ANKS1B: variants seen among roughly 807,000 people sequenced by gnomAD.
The protein encoded by ANKS1B is ankyrin repeat and sterile alpha motif domain-containing protein 1B.
A neutral mutation model predicts 148.3 loss-of-function variants in ANKS1B; 36 were observed. The ratio of observed to expected loss-of-function variants is 0.24; its 90% CI spans 0.19 to 0.32. The LOEUF is 0.32. Among genes scored for constraint, ANKS1B ranks in the 10% least tolerant of loss-of-function variants. The probability of loss-of-function intolerance (pLI) is 1.00; values close to 1 mark genes in which losing one functional copy is unlikely to be tolerated. For missense variants in ANKS1B, 1,157 were observed against 1,542.6 expected (o/e 0.75, Z 4.19); for synonymous variants, 542 against 560.8 (o/e 0.97, Z 0.47).
chr12:99,191,788 C>A (rs906776293), intron 14 of ANKS1B, among the ~76,000 whole-genome samples: 1 of 152,056 alleles, frequency 6.6e-6, no homozygotes, highest in Non-Finnish European at 1.5e-5. Context: ...CACGTGTATA[C>A]CTATGTAACA....
At chr12:99,613,765 T>G (rs2153352032) in intron 9 of ANKS1B, among the ~76,000 whole-genome samples, 1 of 152,066 alleles carries the variant, frequency 6.6e-6, no homozygotes, top group South Asian at 2.1e-4. Context: ...GGCTTAATAC[T>G]TTGGTGATGA....
intron 9 of ANKS1B, among the ~76,000 whole-genome samples, chr12:99,636,971 T>A (rs2098243468): frequency 6.6e-6 from 1 of 152,164 alleles, no homozygotes. Context: ...AAACAAAAGT[T>A]CCTTCTCACT....
At chr12:99,585,583 C>G (rs938981924) in intron 9 of ANKS1B, among the ~76,000 whole-genome samples, 2 of 152,184 alleles carry the variant, frequency 1.3e-5, no homozygotes, top group Non-Finnish European at 2.9e-5. Context: ...CCACATTTCC[C>G]CTCCACACTG....
chr12:99,548,650 T>C (rs17393678), intron 9 of ANKS1B, among the ~76,000 whole-genome samples: 19,100 of 152,044 alleles, frequency 0.13, 1,538 homozygotes, highest in Non-Finnish European at 0.17. Context: ...AGAAGAAATT[T>C]TGAAGCCAGA....
At chr12:99,526,353 G>T (rs1000995419) in intron 9 of ANKS1B, among the ~76,000 whole-genome samples, 1 of 152,012 alleles carries the variant, frequency 6.6e-6, no homozygotes, top group Non-Finnish European at 1.5e-5. Flanking sequence ...GGAACAGGTG[G>T]GATTGATAAA....
intron 11 of ANKS1B, among the ~76,000 whole-genome samples, chr12:99,421,752 T>C (rs1344603393): frequency 6.6e-6 from 1 of 152,118 alleles, no homozygotes; most frequent in Admixed American, 6.6e-5. Context: ...TGATATAGTT[T>C]GAATATATGT....
intron 8 of ANKS1B, among the ~76,000 whole-genome samples, chr12:99,696,668 T>G (rs1465527427): frequency 6.6e-6 from 1 of 152,096 alleles, no homozygotes; most frequent in Non-Finnish European, 1.5e-5. Context: ...GGTTTGGCAA[T>G]AACATTTTAG....
intron 1 of ANKS1B, among the ~76,000 whole-genome samples, chr12:99,951,293 CTT>C (rs2095215879): frequency 6.6e-6 from 1 of 152,208 alleles, no homozygotes; most frequent in African/African-American, 2.4e-5. Flanking sequence ...AGTCTAGAGA[CTT>C]ACATCCACCG....
rs559156654 is a variant in ANKS1B at position 99,708,051 on chromosome 12, T to C, written c.1129-52841A>G. 1.1e-4 allele frequency among the ~76,000 whole-genome samples: 16 copies of C among 152,242 alleles called. 1 individual carries two copies. The South Asian group carries it at 3.3e-3, about 32-fold the overall frequency. On this transcript the variant is annotated intron_variant, in intron 8 of 26. Transcript: ENST00000683438. ...TAACCTGGGGGTCTGAATCTGTCAGTGCCAAGTTTCTTCCAGCTGTCACAA... is the reference window on the plus strand; with the variant it reads ...TAACCTGGGGGTCTGAATCTGTCAGCGCCAAGTTTCTTCCAGCTGTCACAA...
chr12:99,606,351 A>C (rs1392683), intron 9 of ANKS1B, among the ~76,000 whole-genome samples: 7 of 151,560 alleles, frequency 4.6e-5, no homozygotes, highest in African/African-American at 1.7e-4. Flanking sequence ...CTTCCTCACA[A>C]AGAGTTGTTT....
At chr12:99,088,582 A>G (rs2052798596) in intron 15 of ANKS1B, among the ~76,000 whole-genome samples, 2 of 152,152 alleles carry the variant, frequency 1.3e-5, no homozygotes. Flanking sequence ...CAATCTTGGT[A>G]TGATGGACTT....
At chr12:99,471,615 G>T (rs1271926701) in intron 10 of ANKS1B, among the ~76,000 whole-genome samples, 1 of 151,690 alleles carries the variant, frequency 6.6e-6, no homozygotes, top group African/African-American at 2.4e-5. Flanking sequence ...GGTTTGTAAT[G>T]AGTAGACATA....
At chr12:98,848,145 A>C (rs1317852153) in intron 17 of ANKS1B, among the ~76,000 whole-genome samples, 1 of 152,234 alleles carries the variant, frequency 6.6e-6, no homozygotes, top group Admixed American at 6.5e-5. Flanking sequence ...TCTCTAATGA[A>C]AACCAAGCAA....
chr12:99,874,947 T>G (rs2091917985), intron 1 of ANKS1B, among the ~76,000 whole-genome samples: 1 of 152,160 alleles, frequency 6.6e-6, no homozygotes, highest in Admixed American at 6.5e-5. Flanking sequence ...TAGTAAGAAC[T>G]CAGCAAAGGT....
intron 17 of ANKS1B, among the ~76,000 whole-genome samples, chr12:98,884,499 T>C (rs527895711): frequency 1.1e-4 from 16 of 152,312 alleles, no homozygotes; most frequent in African/African-American, 3.8e-4. Context: ...CACGTGGCTT[T>C]AGAAACTATC....
chr12:99,967,776 G>A (rs1245705336), intron 1 of ANKS1B, among the ~76,000 whole-genome samples: 15 of 151,726 alleles, frequency 9.9e-5, no homozygotes, highest in Admixed American at 9.9e-4. Context: ...GCATGGTGGT[G>A]CATGCCTGTA....
At chr12:99,334,802 G>T (rs1483148608) in intron 12 of ANKS1B, among the ~76,000 whole-genome samples, 3 of 152,014 alleles carry the variant, frequency 2.0e-5, no homozygotes, top group Non-Finnish European at 4.4e-5. Context: ...ATGGAGTAAG[G>T]CAAGGTGTCC....
chr12:99,143,469 A>G (rs941250319), intron 15 of ANKS1B, among the ~76,000 whole-genome samples: 25 of 152,132 alleles, frequency 1.6e-4, no homozygotes, highest in East Asian at 1.9e-4. Context: ...GACGCATGCA[A>G]TGACCTGTAA....
At chr12:99,981,520 T>C (rs897505787) in intron 1 of ANKS1B, among the ~76,000 whole-genome samples, 10 of 152,102 alleles carry the variant, frequency 6.6e-5, no homozygotes, top group African/African-American at 2.2e-4. Flanking sequence ...TTATTCTTCA[T>C]AGCAAAAAAT....
Sources: gnomAD v4.1 joint callset for allele counts (sites outside exome capture counted in the v4.1 genomes callset) on GRCh38, gnomAD v4.1.1 for gene constraint, MANE v1.5 for transcripts, NCBI Gene and HGNC (gene_info 2026-07-23, HGNC 2026-07-21) for gene names.